PARD3B: variants seen among roughly 807,000 people sequenced by gnomAD.
PARD3B encodes partitioning defective 3 homolog B.
Under a neutral mutation model 130.2 loss-of-function variants are expected in PARD3B, and 103 were observed. The ratio of observed to expected loss-of-function variants is 0.79; its 90% CI spans 0.67 to 0.93. The LOEUF is 0.93. Ranked by LOEUF, PARD3B falls within the 40% of genes least tolerant of loss-of-function variation. PARD3B has a pLI of 0.00. For missense variants in PARD3B, 1,609 were observed against 1,499.2 expected (o/e 1.07, Z -1.21); for synonymous variants, 583 against 553.2 (o/e 1.05, Z -0.76).
intron 15 of PARD3B, among the ~76,000 whole-genome samples, chr2:205,225,560 A>C (rs958137440): frequency 2.0e-5 from 3 of 152,194 alleles, no homozygotes; most frequent in Admixed American, 6.5e-5. Context: ...TTAAAGAACT[A>C]CCTGAGACTG....
chr2:205,345,640 T>A (rs1215644153), intron 18 of PARD3B, among the ~76,000 whole-genome samples: 1 of 151,254 alleles, frequency 6.6e-6, no homozygotes, highest in African/African-American at 2.4e-5. Flanking sequence ...CTCATGACCC[T>A]AGAGAATTTG....
intron 21 of PARD3B, among the ~76,000 whole-genome samples, chr2:205,548,138 G>T (rs1299533864): frequency 6.6e-6 from 1 of 152,054 alleles, no homozygotes; most frequent in Non-Finnish European, 1.5e-5. Flanking sequence ...CCCTTTAAAT[G>T]ATGGTGTTCC....
intron 2 of PARD3B, among the ~76,000 whole-genome samples, chr2:204,897,890 C>T (rs1471467852): frequency 6.8e-6 from 1 of 147,120 alleles, no homozygotes; most frequent in Non-Finnish European, 1.5e-5. Context: ...AAAAAAAAAA[C>T]CCTAAAATAC....
At chr2:204,711,213 C>CT (rs1415311033) in intron 2 of PARD3B, among the ~76,000 whole-genome samples, 2 of 152,146 alleles carry the variant, frequency 1.3e-5, no homozygotes, top group Non-Finnish European at 2.9e-5. Context: ...GAGACAGCCA[C>CT]TTAAGACCTT....
At chr2:205,136,820 A>G (rs1046435130) in intron 10 of PARD3B, among the ~76,000 whole-genome samples, 10 of 152,320 alleles carry the variant, frequency 6.6e-5, no homozygotes, top group African/African-American at 1.4e-4. Context: ...GTTCAGAAGA[A>G]TTGCCATCTT....
intron 19 of PARD3B, among the ~76,000 whole-genome samples, chr2:205,415,751 A>C (rs1304386052): frequency 6.6e-6 from 1 of 152,150 alleles, no homozygotes; most frequent in African/African-American, 2.4e-5. Context: ...TAATTGTGAC[A>C]TAATAAACTA....
At chr2:205,082,861 G>A (rs989027860) in intron 4 of PARD3B, among the ~76,000 whole-genome samples, 21 of 151,108 alleles carry the variant, frequency 1.4e-4, no homozygotes, top group Middle Eastern at 3.2e-3. Context: ...AAGAAAAATC[G>A]AAGGCCTAAA....
intron 2 of PARD3B, among the ~76,000 whole-genome samples, chr2:204,760,542 T>G (rs1030754341): frequency 2.0e-5 from 3 of 152,102 alleles, no homozygotes; most frequent in African/African-American, 4.8e-5. Context: ...TTTCTTTTAA[T>G]ATATTGAAAC....
chr2:204,705,068 A>G (rs1203457477), intron 2 of PARD3B, among the ~76,000 whole-genome samples: 1 of 152,220 alleles, frequency 6.6e-6, no homozygotes, highest in Non-Finnish European at 1.5e-5. Flanking sequence ...AGTGCTTGCA[A>G]CACATCAAAT....
At chr2:204,838,471 T>C (rs1205229191) in intron 2 of PARD3B, among the ~76,000 whole-genome samples, 1 of 151,792 alleles carries the variant, frequency 6.6e-6, no homozygotes, top group Non-Finnish European at 1.5e-5. Context: ...TGCCTCTACC[T>C]CCCAAACTGT....
Position 205,616,953 on chromosome 2 carries a change from G to T in PARD3B, c.*1140G>T, listed in dbSNP as rs370840447. On this transcript the variant is annotated 3_prime_UTR_variant, in exon 23 of 23. Transcript: ENST00000406610. ...TGTGTGTGTTCGAACACATATGATT[G>T]CCAGTATGGAGAATGAAAGATTAAT... is the stretch of plus-strand genomic sequence containing the variant. 1.0e-3 allele frequency: 161 copies of T among 154,426 alleles called. 1 individual carries two copies. The South Asian group carries it at 0.031, about 30-fold the overall frequency. The allele number at this position is 154,426 out of a possible 1,614,324, so 9.6% of individuals were successfully genotyped here.
intron 2 of PARD3B, among the ~76,000 whole-genome samples, chr2:204,950,707 G>T (rs1165153650): frequency 6.6e-6 from 1 of 152,174 alleles, no homozygotes; most frequent in South Asian, 2.1e-4. Context: ...GACTTAAACT[G>T]TCTTCTAAGG....
chr2:205,375,750 AG>A (rs2045021192), intron 18 of PARD3B, among the ~76,000 whole-genome samples: 1 of 152,212 alleles, frequency 6.6e-6, no homozygotes, highest in Non-Finnish European at 1.5e-5. Flanking sequence ...TTAAAGAAAA[AG>A]GTAAGTTATG....
At chr2:205,402,415 C>T (rs951065111) in intron 19 of PARD3B, among the ~76,000 whole-genome samples, 2 of 152,178 alleles carry the variant, frequency 1.3e-5, no homozygotes, top group African/African-American at 2.4e-5. Context: ...ATCTTTGCTG[C>T]TCCCTTGACT....
At chr2:205,044,491 T>C (rs375925938) in intron 3 of PARD3B, among the ~76,000 whole-genome samples, 58 of 149,610 alleles carry the variant, frequency 3.9e-4, no homozygotes, top group East Asian at 2.0e-3. Flanking sequence ...TTTTAATGAT[T>C]GCCATTCTAA....
chr2:205,508,617 G>A (rs2050467767), intron 21 of PARD3B, among the ~76,000 whole-genome samples: 1 of 150,978 alleles, frequency 6.6e-6, no homozygotes, highest in Non-Finnish European at 1.5e-5. Flanking sequence ...GACTCCTGCA[G>A]TTGGGCTGCT....
chr2:205,350,884 A>G (rs2043972298), intron 18 of PARD3B, among the ~76,000 whole-genome samples: 1 of 152,098 alleles, frequency 6.6e-6, no homozygotes, highest in African/African-American at 2.4e-5. Context: ...TATATTCTTG[A>G]CTTTTCTCGT....
At position 205,301,795 on chromosome 2, in the gene PARD3B, T is replaced by C; in HGVS notation, c.2630+94T>C. The stretch of plus-strand genomic sequence containing the variant: ...TGTACTCAGAAAAAAGCGCACGCTT[T>C]TCCTCGTCTTCAGCCAAATGCATAC... On this transcript the variant is annotated intron_variant, in intron 18 of 22. Coordinates refer to ENST00000406610, the MANE Select transcript of PARD3B (RefSeq NM_001302769.2). The surrounding 1 kb of genome is among the most constrained non-coding windows in gnomAD (Gnocchi z 5.2). 1 of 1,590,630 alleles carries C rather than the reference T, an allele frequency of 6.3e-7. No homozygotes were observed. Among genetic ancestry groups the C allele is most frequent in the Non-Finnish European group, 8.6e-7 (1 of 1,158,720 alleles).
In PARD3B at chr2:205,469,578, G is replaced by T. The variant is rs146073226; in HGVS notation, c.3044+28906G>T. ...CTTCTTAAGGGGAACAAGGTTGTTT[G>T]TACTGTCCAGAAACTATAGTCAGCC... On this transcript the variant is annotated intron_variant, in intron 20 of 22. Coordinates refer to ENST00000406610, the MANE Select transcript of PARD3B (RefSeq NM_001302769.2). 1.3e-4 allele frequency among the ~76,000 whole-genome samples: 20 copies of T among 152,256 alleles called. 1 individual carries two copies. In the East Asian group the frequency reaches 3.9e-3, roughly 29 times the overall value.
Sources: allele counts gnomAD v4.1 joint callset (sites outside exome capture counted in the v4.1 genomes callset), GRCh38; gene constraint gnomAD v4.1.1; non-coding constraint Gnocchi (gnomAD v3.1); transcripts MANE v1.5; gene names NCBI Gene and HGNC (gene_info 2026-07-23, HGNC 2026-07-21).